Variants in KCNIP4 observed in about 807,000 individuals in gnomAD.
KCNIP4 encodes potassium voltage-gated channel interacting protein 4, also known as Kv channel-interacting protein 4.
Under a neutral mutation model 34.0 loss-of-function variants are expected in KCNIP4, and 12 were observed. The observed-to-expected ratio is 0.35, with a 90% CI of 0.23 to 0.57. The LOEUF is 0.57. Ranked by LOEUF, KCNIP4 falls within the 20% of genes least tolerant of loss-of-function variation. The probability of loss-of-function intolerance (pLI) is 0.83; values close to 1 mark genes in which losing one functional copy is unlikely to be tolerated. For synonymous variants in KCNIP4, 124 were observed against 102.2 expected, an observed-to-expected ratio of 1.21 and a Z score of -1.29; for missense variants, 238 against 311.7, an observed-to-expected ratio of 0.76 and a Z score of 1.78.
At chr4:21,091,649 C>A (rs772283602) in intron 1 of KCNIP4, among the ~76,000 whole-genome samples, 3 of 152,276 alleles carry the variant, frequency 2.0e-5, no homozygotes, top group Non-Finnish European at 4.4e-5. Context: ...TTTCTCACAG[C>A]TCTGGAGGCT....
At chr4:21,667,389 C>T (rs922277880) in intron 1 of KCNIP4, among the ~76,000 whole-genome samples, 2 of 152,162 alleles carry the variant, frequency 1.3e-5, no homozygotes, top group Non-Finnish European at 2.9e-5. Flanking sequence ...TTAATAAAGA[C>T]ATCACACACA....
chr4:20,986,153 T>C (rs755066240), intron 1 of KCNIP4, among the ~76,000 whole-genome samples: 4 of 152,160 alleles, frequency 2.6e-5, no homozygotes, highest in Non-Finnish European at 2.9e-5. Context: ...ACTTTGCTTT[T>C]CCCTGGTCCT....
intron 1 of KCNIP4, among the ~76,000 whole-genome samples, chr4:21,775,374 C>G (rs940122442): frequency 2.0e-5 from 3 of 152,202 alleles, no homozygotes; most frequent in African/African-American, 7.2e-5. Flanking sequence ...GGCCACCAAC[C>G]TGATGCCAGC....
chr4:21,338,712 T>A (rs1398900278), intron 1 of KCNIP4, among the ~76,000 whole-genome samples: 1 of 151,850 alleles, frequency 6.6e-6, no homozygotes, highest in Non-Finnish European at 1.5e-5. Flanking sequence ...TACTAATGTG[T>A]AATTAATAAT....
intron 1 of KCNIP4, among the ~76,000 whole-genome samples, chr4:21,219,318 T>C (rs1052366252): frequency 2.0e-5 from 3 of 152,184 alleles, no homozygotes; most frequent in Non-Finnish European, 4.4e-5. Flanking sequence ...ATGACAGAGA[T>C]TGGAGACCCC....
In KCNIP4 at chr4:20,882,595, AAAAC is replaced by A; in HGVS notation, c.163+9_163+12del. 6.2e-7 allele frequency: 1 copy of A among 1,605,096 alleles called. No homozygotes were observed. Among genetic ancestry groups the A allele is most frequent in the East Asian group, 2.2e-5 (1 of 44,736 alleles). Reference sequence around the variant, plus strand: ...GTTTCGGAGGAAAAAAAAAAACAAAAAAACAAACTTGCTTTGAATAGCAGGAGAC... The same window carrying A: ...GTTTCGGAGGAAAAAAAAAAACAAAAAAACTTGCTTTGAATAGCAGGAGAC... On this transcript the variant is annotated intron_variant, in intron 2 of 8. Coordinates refer to ENST00000382152, the MANE Select transcript of KCNIP4 (RefSeq NM_025221.6).
intron 1 of KCNIP4, among the ~76,000 whole-genome samples, chr4:21,928,955 T>C (rs1223058257): frequency 6.6e-6 from 1 of 152,070 alleles, no homozygotes; most frequent in African/African-American, 2.4e-5. Flanking sequence ...ATCCCATCTC[T>C]GCCCCAGAAC....
At chr4:21,074,189 C>A (rs958023226) in intron 1 of KCNIP4, among the ~76,000 whole-genome samples, 2 of 151,990 alleles carry the variant, frequency 1.3e-5, no homozygotes, top group African/African-American at 2.4e-5. Context: ...TTTCTTTTGA[C>A]TGGAATAGTT....
chr4:21,284,919 T>C (rs1455296222), intron 1 of KCNIP4, among the ~76,000 whole-genome samples: 1 of 152,082 alleles, frequency 6.6e-6, no homozygotes, highest in South Asian at 2.1e-4. Context: ...CAGCCTCTGC[T>C]ACAGCTGTTG....
chr4:21,625,005 AT>A (rs960239985), intron 1 of KCNIP4, among the ~76,000 whole-genome samples: 1 of 151,828 alleles, frequency 6.6e-6, no homozygotes, highest in African/African-American at 2.4e-5. Flanking sequence ...GGCTGCATCT[AT>A]TTTTTTTAAC....
intron 1 of KCNIP4, among the ~76,000 whole-genome samples, chr4:21,777,739 A>G (rs1719277605): frequency 1.3e-5 from 2 of 152,218 alleles, no homozygotes; most frequent in African/African-American, 4.8e-5. Flanking sequence ...AACTATCTTA[A>G]TCAGCTCATT....
chr4:21,900,218 C>T (rs977709675), intron 1 of KCNIP4, among the ~76,000 whole-genome samples: 20 of 152,104 alleles, frequency 1.3e-4, no homozygotes, highest in African/African-American at 4.8e-4. Flanking sequence ...AAATTAACCA[C>T]TAAGAGAATT....
intron 3 of KCNIP4, among the ~76,000 whole-genome samples, chr4:20,788,774 T>C (rs1203810121): frequency 6.6e-6 from 1 of 152,106 alleles, no homozygotes; most frequent in African/African-American, 2.4e-5. Context: ...ATTCAGTATG[T>C]AGTTGGTGAA....
At chr4:21,335,518 C>T (rs1462908721) in intron 1 of KCNIP4, among the ~76,000 whole-genome samples, 3 of 152,178 alleles carry the variant, frequency 2.0e-5, no homozygotes, top group Non-Finnish European at 2.9e-5. Flanking sequence ...CTGTTTTGCT[C>T]TTAAAATTCT....
chr4:21,818,879 T>A (rs1484507035), intron 1 of KCNIP4, among the ~76,000 whole-genome samples: 1 of 151,160 alleles, frequency 6.6e-6, no homozygotes, highest in Admixed American at 6.6e-5. Context: ...AACAAAACAC[T>A]TTTTTTTCTA....
At chr4:20,847,889 T>C (rs923740606) in intron 3 of KCNIP4, among the ~76,000 whole-genome samples, 1 of 152,132 alleles carries the variant, frequency 6.6e-6, no homozygotes, top group Admixed American at 6.6e-5. Flanking sequence ...CCCAACTGTT[T>C]CCAGGGAAAT....
At chr4:21,700,108 C>T (rs1712714359) in intron 1 of KCNIP4, among the ~76,000 whole-genome samples, 1 of 152,170 alleles carries the variant, frequency 6.6e-6, no homozygotes, top group South Asian at 2.1e-4. Context: ...CATAGAAATA[C>T]TATGGGATTG....
intron 1 of KCNIP4, among the ~76,000 whole-genome samples, chr4:21,127,972 C>A (rs1414194568): frequency 6.6e-6 from 1 of 152,238 alleles, no homozygotes; most frequent in Non-Finnish European, 1.5e-5. Context: ...CATGCTAAAG[C>A]AGAAGTCTCT....
At chr4:21,247,865 T>TACACACACACAC (rs546614225) in intron 1 of KCNIP4, among the ~76,000 whole-genome samples, 4 of 122,438 alleles carry the variant, frequency 3.3e-5, no homozygotes, top group African/African-American at 1.4e-4. Context: ...TATATATATA[T>TACACACACACAC]ACACACACAC....
Sources: gnomAD v4.1 joint callset for allele counts (sites outside exome capture counted in the v4.1 genomes callset) on GRCh38, gnomAD v4.1.1 for gene constraint, MANE v1.5 for transcripts, NCBI Gene and HGNC (gene_info 2026-07-23, HGNC 2026-07-21) for gene names.